KCNMA1: variants seen among roughly 807,000 people sequenced by gnomAD.
The protein encoded by KCNMA1 is Calcium-activated potassium channel subunit alpha-1.
A neutral mutation model predicts 140.0 loss-of-function variants in KCNMA1; 29 were observed. The ratio of observed to expected loss-of-function variants is 0.21; its 90% confidence interval spans 0.15 to 0.28. KCNMA1 has a LOEUF of 0.28. Ranked by LOEUF, KCNMA1 falls within the 10% of genes least tolerant of loss-of-function variation. KCNMA1 has a pLI of 1.00. For synonymous variants in KCNMA1, 612 were observed against 611.9 expected (o/e 1.00, Z 0.00); for missense variants, 880 against 1,602.2 (o/e 0.55, Z 7.70).
At chr10:77,292,187 G>A (rs532117980) in intron 2 of KCNMA1, among the ~76,000 whole-genome samples, 9 of 152,250 alleles carry the variant, frequency 5.9e-5, no homozygotes, top group East Asian at 1.9e-4. Flanking sequence ...AGGCACAGCC[G>A]GCTGAGACCC....
intron 2 of KCNMA1, among the ~76,000 whole-genome samples, chr10:77,295,483 TTAA>T (rs1245966203): frequency 6.6e-6 from 1 of 151,574 alleles, no homozygotes; most frequent in African/African-American, 2.4e-5. Flanking sequence ...CTAGAGATTG[TTAA>T]TAAACAGTTT....
intron 1 of KCNMA1, among the ~76,000 whole-genome samples, chr10:77,468,500 G>A (rs190382704): frequency 4.0e-4 from 61 of 152,276 alleles, no homozygotes; most frequent in Admixed American, 1.5e-3. Flanking sequence ...TATGACTGGT[G>A]TCCTTAGAAG....
chr10:76,935,202 T>C (rs147043696), intron 23 of KCNMA1, among the ~76,000 whole-genome samples: 126 of 152,316 alleles, frequency 8.3e-4, no homozygotes, highest in African/African-American at 3.0e-3. Context: ...AAATGGGGAT[T>C]CACAGAGACA....
chr10:77,522,619 C>T (rs932848646), intron 1 of KCNMA1, among the ~76,000 whole-genome samples: 4 of 152,144 alleles, frequency 2.6e-5, no homozygotes, highest in Non-Finnish European at 5.9e-5. Context: ...GCAGGGGGGC[C>T]GGATACAGGG....
intron 2 of KCNMA1, among the ~76,000 whole-genome samples, chr10:77,396,637 AAG>A (rs1212755154): frequency 6.6e-6 from 1 of 152,240 alleles, no homozygotes; most frequent in African/African-American, 2.4e-5. Flanking sequence ...CTTGGAGATA[AAG>A]ATGAAATGGT....
intron 5 of KCNMA1, among the ~76,000 whole-genome samples, chr10:77,168,222 A>G (rs2098665153): frequency 6.6e-6 from 1 of 152,228 alleles, no homozygotes; most frequent in Admixed American, 6.5e-5. Flanking sequence ...TCATACAGCA[A>G]GTAAGACAGG....
At chr10:77,089,010 CTA>C (rs943376231) in intron 10 of KCNMA1, among the ~76,000 whole-genome samples, 1 of 152,212 alleles carries the variant, frequency 6.6e-6, no homozygotes, top group African/African-American at 2.4e-5. Flanking sequence ...AGCCTACACA[CTA>C]TACCTCTAGA....
At chr10:77,216,111 T>C (rs962412961) in intron 3 of KCNMA1, among the ~76,000 whole-genome samples, 1 of 152,180 alleles carries the variant, frequency 6.6e-6, no homozygotes, top group Non-Finnish European at 1.5e-5. Context: ...ATTCAATTTA[T>C]ATGAAATGTC....
intron 2 of KCNMA1, among the ~76,000 whole-genome samples, chr10:77,298,558 A>G (rs1023516896): frequency 3.9e-5 from 6 of 152,020 alleles, no homozygotes; most frequent in African/African-American, 9.7e-5. Flanking sequence ...CTTATTTTAA[A>G]TGGATGTCTG....
At chr10:77,456,791 G>A (rs2069993686) in intron 1 of KCNMA1, among the ~76,000 whole-genome samples, 1 of 152,172 alleles carries the variant, frequency 6.6e-6, no homozygotes, top group East Asian at 1.9e-4. Flanking sequence ...ATGGGACACA[G>A]TTGATTCTGG....
At chr10:76,948,166 G>C (rs1184567845) in intron 22 of KCNMA1, among the ~76,000 whole-genome samples, 1 of 151,924 alleles carries the variant, frequency 6.6e-6, no homozygotes, top group East Asian at 1.9e-4. Flanking sequence ...CACCACATCA[G>C]GCTAATTTTT....
chr10:77,637,587 C>CCGA lies in KCNMA1; in HGVS notation c.55_56insTCG (p.Gly18_Gly19insVal). 1 of 1,464,956 alleles carries CCGA rather than the reference C, an allele frequency of 6.8e-7. No individual in the cohort carries two copies. Among genetic ancestry groups the CCGA allele is most frequent in the Non-Finnish European group, 9.1e-7 (1 of 1,096,714 alleles). The allele number at this position is 1,464,956 out of a possible 1,614,324, so 90.7% of individuals were successfully genotyped here. A position where few individuals can be genotyped will look rare whatever the true frequency, so the allele number is the denominator to read the frequency against. On this transcript the variant is annotated inframe_insertion, in exon 1 of 28. Transcript: ENST00000286628. Reference sequence around the variant, plus strand: ...GCTACTCATTCTAAGACTGCTGCCTCCGCCGCCGCCGCCGCCGCCGCTGCT... The same window carrying CCGA: ...GCTACTCATTCTAAGACTGCTGCCTCCGACGCCGCCGCCGCCGCCGCCGCTGCT...
intron 19 of KCNMA1, among the ~76,000 whole-genome samples, chr10:76,985,620 G>A (rs2081052704): frequency 6.6e-6 from 1 of 152,154 alleles, no homozygotes; most frequent in South Asian, 2.1e-4. Context: ...AGTGAGCAGA[G>A]AAACACTACC....
intron 9 of KCNMA1, among the ~76,000 whole-genome samples, chr10:77,102,856 G>A (rs1009505194): frequency 6.6e-6 from 1 of 152,170 alleles, no homozygotes. Context: ...TGCTTTAGTT[G>A]TACCCTTGCT....
chr10:76,931,541 G>A (rs1394335394), intron 23 of KCNMA1, among the ~76,000 whole-genome samples: 1 of 151,724 alleles, frequency 6.6e-6, no homozygotes, highest in Admixed American at 6.6e-5. Context: ...AGAGGCAAAG[G>A]AGGGAGGCCA....
chr10:77,382,984 G>A (rs1188935435), intron 2 of KCNMA1, among the ~76,000 whole-genome samples: 98 of 89,508 alleles, frequency 1.1e-3, no homozygotes, highest in African/African-American at 7.0e-3. Context: ...GTGTGTGTGT[G>A]TGTGTGTGTG....
chr10:77,530,210 T>C (rs2057269580), intron 1 of KCNMA1, among the ~76,000 whole-genome samples: 1 of 152,250 alleles, frequency 6.6e-6, no homozygotes, highest in East Asian at 1.9e-4. Flanking sequence ...TGGGTCCTGT[T>C]CCAAAAACTC....
At chr10:77,636,833 G>T in intron 1 of KCNMA1, 1 of 1,433,312 alleles carries the variant, frequency 7.0e-7, no homozygotes, top group Non-Finnish European at 9.1e-7. Context: ...GGGCGGATGT[G>T]CTCCCTCTCG....
intron 22 of KCNMA1, 145 bp from the exon 23 acceptor site, chr10:76,945,110 A>G (rs1837961417): frequency 1.2e-5 from 9 of 745,568 alleles, no homozygotes; most frequent in African/African-American, 1.7e-5. Flanking sequence ...TTTAACAAGT[A>G]TCTTTTTTAT....
Sources: gnomAD v4.1 joint callset for allele counts (sites outside exome capture counted in the v4.1 genomes callset) on GRCh38, gnomAD v4.1.1 for gene constraint, MANE v1.5 for transcripts, NCBI Gene and HGNC (gene_info 2026-07-23, HGNC 2026-07-21) for gene names.